The following GDNF variants were observed in gnomAD, a reference collection of about 807,000 sequenced individuals.
GDNF encodes the protein glial cell derived neurotrophic factor.
In GDNF, 5 loss-of-function variants were observed where a neutral mutation model predicts 13.7. That is an observed-to-expected ratio of 0.36 (90% CI 0.19 to 0.77). The LOEUF (loss-of-function observed/expected upper bound fraction) is 0.77, where lower values mean the gene tolerates loss of function less well. Among genes scored for constraint, GDNF ranks in the 30% least tolerant of loss-of-function variants. The pLI is 0.51. For synonymous variants in GDNF, 122 were observed against 112.5 expected, an observed-to-expected ratio of 1.08 and a Z score of -0.53; for missense variants, 246 against 274.3, an observed-to-expected ratio of 0.90 and a Z score of 0.73.
chr5:37,835,875 G>T, intron 1 of GDNF: 2 of 593,006 alleles, frequency 3.4e-6, no homozygotes, highest in South Asian at 4.1e-5. Context: ...GCGCAGAGTA[G>T]GGGGTTCAGC....
At chr5:37,834,874 C>A in intron 1 of GDNF, 52 bp from the exon 2 acceptor site, 1 of 1,529,478 alleles carries the variant, frequency 6.5e-7, no homozygotes, top group Non-Finnish European at 9.0e-7. Flanking sequence ...GCACGTTAAG[C>A]CTGGGCTCCC....
At chr5:37,831,731 G>A (rs773999919) in intron 2 of GDNF, among the ~76,000 whole-genome samples, 17 of 152,154 alleles carry the variant, frequency 1.1e-4, no homozygotes, top group Admixed American at 2.6e-4. Context: ...CTTTCAGCTC[G>A]AAAATGCTAT....
Position 37,839,531 on chromosome 5 carries a change from T to C in GDNF, c.-51A>G, listed in dbSNP as rs2973033. ...CCTCGGATCGGGTCTCCGCAGACCC[T>C]AGGTTGGACATTAACTCCAGGTGCC... On this transcript the variant is annotated 5_prime_UTR_variant, in exon 1 of 3. Coordinates refer to ENST00000326524, the MANE Select transcript of GDNF (RefSeq NM_000514.4). The surrounding 1 kb of genome is among the most constrained non-coding windows in gnomAD (Gnocchi z 5.5). 0.36 allele frequency: 55,173 copies of C among 152,152 alleles called. 11,190 individuals are homozygous for C. The highest frequency in any genetic ancestry group is 0.55 in the African/African-American group (23,014 of 41,478). 9.4% of individuals were successfully genotyped at this position (152,152 alleles called of 1,614,324 possible). A position where few individuals can be genotyped will look rare whatever the true frequency, so the allele number is the denominator to read the frequency against.
intron 2 of GDNF, chr5:37,824,138 A>C (rs884344): frequency 0.28 from 146,785 of 531,210 alleles, 21,662 homozygotes; most frequent in African/African-American, 0.48. Flanking sequence ...GTATCTGCAT[A>C]TGAAAGCATC....
chr5:37,816,665 CAAAGATCCACGCACT>C (rs1749940348), intron 2 of GDNF, among the ~76,000 whole-genome samples: 1 of 152,150 alleles, frequency 6.6e-6, no homozygotes, highest in African/African-American at 2.4e-5. Context: ...ATCCACACAC[CAAAGATCCACGCACT>C]AAACTTTGAG....
At chr5:37,835,485 C>T in intron 1 of GDNF, 2 of 1,483,512 alleles carry the variant, frequency 1.3e-6, no homozygotes, top group East Asian at 5.0e-5. Flanking sequence ...GACTTTTGGC[C>T]TGTATGGGAT....
chr5:37,838,820 C>T lies in GDNF; in HGVS notation c.-27+687G>A, dbSNP rs114812377. 0.033 allele frequency among the ~76,000 whole-genome samples: 5,029 copies of T among 152,258 alleles called. 134 individuals carry two copies. The highest frequency in any genetic ancestry group is 0.054 in the Non-Finnish European group (3,674 of 68,026). ...GTCATTAAAATAATAACCTCAATGG[C>T]CTAGTGGAGTCTCAAGAATACGTTC... is the stretch of plus-strand genomic sequence containing the variant. On this transcript the variant is annotated intron_variant, in intron 1 of 2. Coordinates refer to ENST00000326524, the MANE Select transcript of GDNF (RefSeq NM_000514.4). The surrounding 1 kb of genome is among the most constrained non-coding windows in gnomAD (Gnocchi z 4.1).
Position 37,816,740 on chromosome 5 carries a change from C to T in GDNF, c.152-605G>A, listed in dbSNP as rs539950339. ...AACTGAGGCCTTCCACTATGGCTACCTTCATCTGGAATACTGAGTGCTCTT... is the reference window on the plus strand; with the variant it reads ...AACTGAGGCCTTCCACTATGGCTACTTTCATCTGGAATACTGAGTGCTCTT... On this transcript the variant is annotated intron_variant, in intron 2 of 2. Transcript: ENST00000326524. Among the ~76,000 whole-genome samples the T allele has an allele frequency of 3.7e-4, 56 of 152,274 alleles. 1 individual carries two copies. The South Asian group carries it at 7.5e-3, about 20-fold the overall frequency.
rs1310960530 is a variant in GDNF at position 37,814,557 on chromosome 5, T to C, written c.*1094A>G. 1 of 152,258 alleles carries C rather than the reference T, an allele frequency of 6.6e-6. No individual in the cohort carries two copies. Among genetic ancestry groups the C allele is most frequent in the African/African-American group, 2.4e-5 (1 of 41,462 alleles). The allele number at this position is 152,258 out of a possible 1,614,324, so 9.4% of individuals were successfully genotyped here. ...GAAAAGCATGGACCCTTGTTCCCAA[T>C]TCAAATTTCCTTTTGTCACCTTTCT... On this transcript the variant is annotated 3_prime_UTR_variant, in exon 3 of 3. Coordinates refer to ENST00000326524, the MANE Select transcript of GDNF (RefSeq NM_000514.4).
intron 1 of GDNF, among the ~76,000 whole-genome samples, chr5:37,836,347 G>C (rs906129276): frequency 2.0e-5 from 3 of 152,044 alleles, no homozygotes; most frequent in Admixed American, 6.6e-5. Flanking sequence ...TCCCTGTCCC[G>C]GTGCAGGCAA....
intron 2 of GDNF, among the ~76,000 whole-genome samples, chr5:37,819,104 G>A (rs143646179): frequency 2.0e-5 from 3 of 152,282 alleles, no homozygotes; most frequent in Non-Finnish European, 4.4e-5. Context: ...GGAGGCCTAC[G>A]GTAACTGCTG....
intron 2 of GDNF, among the ~76,000 whole-genome samples, chr5:37,818,724 G>C (rs973888292): frequency 1.1e-4 from 16 of 152,098 alleles, no homozygotes; most frequent in African/African-American, 3.9e-4. Context: ...CTCTCTGCCT[G>C]GACCCTTGGC....
chr5:37,826,431 C>T (rs886817562), intron 2 of GDNF, among the ~76,000 whole-genome samples: 2 of 152,188 alleles, frequency 1.3e-5, no homozygotes, highest in Non-Finnish European at 2.9e-5. Flanking sequence ...CCTACTTAGT[C>T]TAGCATGTTC....
intron 2 of GDNF, among the ~76,000 whole-genome samples, chr5:37,832,914 C>T (rs978762611): frequency 4.6e-5 from 7 of 152,186 alleles, no homozygotes; most frequent in African/African-American, 1.7e-4. Flanking sequence ...AGATTCTTCC[C>T]AAAGGACTTT....
chr5:37,816,710 G>A (rs1561126666), intron 2 of GDNF, among the ~76,000 whole-genome samples: 2 of 152,136 alleles, frequency 1.3e-5, no homozygotes, highest in Non-Finnish European at 2.9e-5. Context: ...CTTAGAGGGT[G>A]AAAAAACTGA....
At chr5:37,827,219 A>C (rs538816716) in intron 2 of GDNF, among the ~76,000 whole-genome samples, 23 of 152,298 alleles carry the variant, frequency 1.5e-4, no homozygotes, top group East Asian at 3.9e-4. Flanking sequence ...AAAAAAAAAA[A>C]AACAAAACAT....
intron 2 of GDNF, 139 bp from the exon 3 acceptor site, chr5:37,816,274 C>T (rs747881856): frequency 6.1e-5 from 47 of 770,844 alleles, no homozygotes; most frequent in Non-Finnish European, 9.3e-5. Flanking sequence ...TATAGGACCA[C>T]TGTAATCCCC....
chr5:37,816,224 C>G (rs936302347), intron 2 of GDNF, 89 bp from the exon 3 acceptor site: 93 of 1,353,222 alleles, frequency 6.9e-5, no homozygotes, highest in Non-Finnish European at 8.9e-5. Flanking sequence ...CTAAAGTCAG[C>G]AAAAATTGGA....
intron 2 of GDNF, among the ~76,000 whole-genome samples, chr5:37,830,046 C>T (rs545989664): frequency 1.3e-5 from 2 of 152,286 alleles, no homozygotes; most frequent in South Asian, 4.1e-4. Context: ...GGTGTTTGTT[C>T]ATTCTAAATT....
Sources: allele counts gnomAD v4.1 joint callset (sites outside exome capture counted in the v4.1 genomes callset), GRCh38; gene constraint gnomAD v4.1.1; non-coding constraint Gnocchi (gnomAD v3.1); transcripts MANE v1.5; gene names NCBI Gene and HGNC (gene_info 2026-07-23, HGNC 2026-07-21).